The following KALRN variants were observed in gnomAD, a reference collection of about 807,000 sequenced individuals.
KALRN encodes kalirin RhoGEF kinase, also known as kalirin.
KALRN carries 70 observed loss-of-function variants against 353.7 expected under a neutral mutation model. The ratio of observed to expected loss-of-function variants is 0.20; its 90% confidence interval spans 0.16 to 0.24. The LOEUF is 0.24. Among genes scored for constraint, KALRN ranks in the 10% least tolerant of loss-of-function variants. The pLI is 1.00. For missense variants in KALRN, 2,791 were observed against 3,756.7 expected (o/e 0.74, Z 6.72); for synonymous variants, 1,391 against 1,434.8 (o/e 0.97, Z 0.69).
At chr3:124,439,917 G>C (rs1477840260) in intron 18 of KALRN, among the ~76,000 whole-genome samples, 2 of 152,250 alleles carry the variant, frequency 1.3e-5, no homozygotes, top group African/African-American at 4.8e-5. Context: ...TTCCTCTCAG[G>C]TTTCTGGGAA....
At chr3:124,184,207 T>C (rs1290393484) in intron 1 of KALRN, among the ~76,000 whole-genome samples, 1 of 152,238 alleles carries the variant, frequency 6.6e-6, no homozygotes, top group Non-Finnish European at 1.5e-5. Context: ...CACCACTTAG[T>C]AGCTCTGTGA....
chr3:124,675,049 T>G (rs333353), intron 49 of KALRN: 20,892 of 151,676 alleles, frequency 0.14, 1,693 homozygotes, highest in African/African-American at 0.22. Flanking sequence ...AAAAATTACC[T>G]TGGCACAAAT....
intron 45 of KALRN, among the ~76,000 whole-genome samples, chr3:124,663,560 T>A (rs570352732): frequency 6.6e-6 from 1 of 152,156 alleles, no homozygotes; most frequent in South Asian, 2.1e-4. Flanking sequence ...GTTTTTAAGA[T>A]TAATATGATA....
At chr3:124,624,256 G>A (rs1374301434) in intron 34 of KALRN, among the ~76,000 whole-genome samples, 7 of 152,260 alleles carry the variant, frequency 4.6e-5, no homozygotes, top group South Asian at 2.1e-4. Context: ...CAGTGCTTGC[G>A]TTCAAGTTAC....
chr3:124,140,709 C>T (rs2066509167), intron 1 of KALRN, among the ~76,000 whole-genome samples: 1 of 152,006 alleles, frequency 6.6e-6, no homozygotes, highest in Non-Finnish European at 1.5e-5. Context: ...AAGTGTTGGC[C>T]CTGAGAGTCC....
chr3:124,283,650 G>A (rs570370553), intron 5 of KALRN, among the ~76,000 whole-genome samples: 1 of 152,130 alleles, frequency 6.6e-6, no homozygotes, highest in Non-Finnish European at 1.5e-5. Flanking sequence ...GAAATAAAAT[G>A]CAAAAACACC....
intron 3 of KALRN, among the ~76,000 whole-genome samples, chr3:124,247,629 G>A (rs1005327381): frequency 5.3e-5 from 8 of 152,086 alleles, no homozygotes; most frequent in Admixed American, 2.0e-4. Flanking sequence ...TGCCCCAAGC[G>A]AACTTATCTC....
At chr3:124,115,208 G>A (rs557881523) in intron 1 of KALRN, among the ~76,000 whole-genome samples, 60 of 152,230 alleles carry the variant, frequency 3.9e-4, no homozygotes, top group Non-Finnish European at 7.5e-4. Context: ...TGTGTATGAA[G>A]GAGATTAGGA....
chr3:124,483,522 A>G (rs1460727187), intron 28 of KALRN, among the ~76,000 whole-genome samples: 1 of 152,208 alleles, frequency 6.6e-6, no homozygotes, highest in Non-Finnish European at 1.5e-5. Context: ...ACTGAACTGC[A>G]GCCTGGGTGA....
chr3:124,287,804 T>G (rs1160401086), intron 5 of KALRN, among the ~76,000 whole-genome samples: 1 of 23,564 alleles, frequency 4.2e-5, no homozygotes, highest in African/African-American at 1.1e-4. Context: ...TATATATATA[T>G]ATATATATAT....
At chr3:124,382,807 A>G (rs573591069) in intron 10 of KALRN, among the ~76,000 whole-genome samples, 2 of 152,198 alleles carry the variant, frequency 1.3e-5, no homozygotes, top group South Asian at 4.2e-4. Context: ...TAGACTAGAA[A>G]TTGTGGGCAA....
intron 35 of KALRN, among the ~76,000 whole-genome samples, chr3:124,633,559 C>A (rs1009927281): frequency 6.6e-6 from 1 of 152,196 alleles, no homozygotes; most frequent in South Asian, 2.1e-4. Context: ...AAGTTAGGCT[C>A]TCTCTGACTA....
intron 1 of KALRN, among the ~76,000 whole-genome samples, chr3:124,175,780 C>T (rs988999723): frequency 6.6e-6 from 1 of 152,244 alleles, no homozygotes; most frequent in African/African-American, 2.4e-5. Context: ...GACGTGGTTG[C>T]CTTGCTCAAA....
At chr3:124,082,901 G>T (rs1382021450) in intron 1 of KALRN, among the ~76,000 whole-genome samples, 1 of 152,230 alleles carries the variant, frequency 6.6e-6, no homozygotes, top group Non-Finnish European at 1.5e-5. Context: ...CAAAGCTTCT[G>T]CTGCTTGTTT....
intron 1 of KALRN, among the ~76,000 whole-genome samples, chr3:124,080,632 T>C (rs1484503676): frequency 1.3e-5 from 2 of 152,184 alleles, no homozygotes; most frequent in Admixed American, 1.3e-4. Flanking sequence ...ATTTCTGGTG[T>C]TTAAAATCAT....
chr3:124,167,467 C>T (rs974474456), intron 1 of KALRN, among the ~76,000 whole-genome samples: 7 of 152,188 alleles, frequency 4.6e-5, no homozygotes, highest in African/African-American at 1.7e-4. Flanking sequence ...AACCTGTTTT[C>T]CCATCTGTGA....
intron 45 of KALRN, among the ~76,000 whole-genome samples, 174 bp downstream of exon 45, chr3:124,662,102 G>T (rs1464336874): frequency 6.6e-6 from 1 of 151,720 alleles, no homozygotes; most frequent in Non-Finnish European, 1.5e-5. Flanking sequence ...ATCTCTTTAG[G>T]AAGTCCAGCA....
intron 47 of KALRN, among the ~76,000 whole-genome samples, chr3:124,670,991 A>G (rs1461384186): frequency 6.6e-6 from 1 of 151,994 alleles, no homozygotes; most frequent in Non-Finnish European, 1.5e-5. Flanking sequence ...TCCATTCCAC[A>G]TCCCACTGGT....
intron 11 of KALRN, among the ~76,000 whole-genome samples, chr3:124,393,162 C>T (rs1477211329): frequency 6.6e-6 from 1 of 152,204 alleles, no homozygotes; most frequent in Non-Finnish European, 1.5e-5. Context: ...GATGGGGTTT[C>T]GCCATGTTGG....
Sources: allele counts gnomAD v4.1 joint callset (sites outside exome capture counted in the v4.1 genomes callset), GRCh38; gene constraint gnomAD v4.1.1; transcripts MANE v1.5; gene names NCBI Gene and HGNC (gene_info 2026-07-23, HGNC 2026-07-21).